Variants in TANGO6 observed in about 807,000 individuals in gnomAD.
The protein encoded by TANGO6 is transport and Golgi organization protein 6 homolog.
A neutral mutation model predicts 114.2 loss-of-function variants in TANGO6; 90 were observed. The ratio of observed to expected loss-of-function variants is 0.79; its 90% CI spans 0.66 to 0.94. The LOEUF (loss-of-function observed/expected upper bound fraction) is 0.94, where lower values mean the gene tolerates loss of function less well. Ranked by LOEUF, TANGO6 falls within the 40% of genes least tolerant of loss-of-function variation. The pLI, the probability that TANGO6 is intolerant of heterozygous loss-of-function variation, is 0.00. For missense variants in TANGO6, 1,274 were observed against 1,315.3 expected, an observed-to-expected ratio of 0.97 and a Z score of 0.49; for synonymous variants, 477 against 509.8, an observed-to-expected ratio of 0.94 and a Z score of 0.87.
intron 3 of TANGO6, among the ~76,000 whole-genome samples, chr16:68,865,548 A>G (rs1387809135): frequency 6.6e-6 from 1 of 152,216 alleles, no homozygotes; most frequent in Non-Finnish European, 1.5e-5. Flanking sequence ...ATTTATTCAC[A>G]GTGGCTCCAC....
At chr16:69,012,138 C>G (rs1047675205) in intron 15 of TANGO6, among the ~76,000 whole-genome samples, 1 of 152,300 alleles carries the variant, frequency 6.6e-6, no homozygotes, top group African/African-American at 2.4e-5. Flanking sequence ...GTTGTCATTA[C>G]CATTGCACAA....
At chr16:69,027,022 C>T (rs1959513131) in intron 16 of TANGO6, among the ~76,000 whole-genome samples, 1 of 152,124 alleles carries the variant, frequency 6.6e-6, no homozygotes, top group African/African-American at 2.4e-5. Flanking sequence ...GCCACCATGC[C>T]CAGCTAATTT....
chr16:68,868,734 T>C (rs973965458), intron 4 of TANGO6, among the ~76,000 whole-genome samples: 1 of 152,058 alleles, frequency 6.6e-6, no homozygotes, highest in African/African-American at 2.4e-5. Flanking sequence ...TCTGACCTCG[T>C]GATCCACCCA....
chr16:68,917,321 T>C (rs1286947773), intron 11 of TANGO6, among the ~76,000 whole-genome samples: 29 of 152,200 alleles, frequency 1.9e-4, no homozygotes, highest in Admixed American at 1.9e-3. Context: ...GACATCTTGG[T>C]TACTTCCAAG....
intron 17 of TANGO6, among the ~76,000 whole-genome samples, chr16:69,083,147 C>T (rs2152246368): frequency 6.8e-6 from 1 of 147,332 alleles, no homozygotes; most frequent in Admixed American, 6.8e-5. Flanking sequence ...TTAGCCTTGA[C>T]CTCCCAGGCT....
intron 15 of TANGO6, among the ~76,000 whole-genome samples, chr16:69,021,529 T>A (rs1959405706): frequency 6.6e-6 from 1 of 152,190 alleles, no homozygotes; most frequent in Non-Finnish European, 1.5e-5. Context: ...CACTAGAATA[T>A]AAGCCACAGA....
At chr16:69,070,306 C>T (rs1161329720) in intron 17 of TANGO6, among the ~76,000 whole-genome samples, 3 of 151,960 alleles carry the variant, frequency 2.0e-5, no homozygotes, top group Admixed American at 6.6e-5. Flanking sequence ...AACACGTCCA[C>T]CCTAGGTACA....
intron 4 of TANGO6, among the ~76,000 whole-genome samples, chr16:68,872,998 C>T (rs1307476506): frequency 2.6e-5 from 4 of 151,936 alleles, no homozygotes; most frequent in African/African-American, 4.8e-5. Flanking sequence ...CCACCGCACC[C>T]GGCCAGAAGT....
At chr16:69,042,422 C>G (rs1054361808) in intron 17 of TANGO6, among the ~76,000 whole-genome samples, 1 of 152,180 alleles carries the variant, frequency 6.6e-6, no homozygotes, top group Non-Finnish European at 1.5e-5. Flanking sequence ...TGGCAGGCAC[C>G]TGTAATCCAG....
intron 17 of TANGO6, among the ~76,000 whole-genome samples, chr16:69,068,608 T>G (rs1289809002): frequency 6.6e-6 from 1 of 152,146 alleles, no homozygotes; most frequent in Non-Finnish European, 1.5e-5. Context: ...GATGTAAGAG[T>G]TACAGGATGG....
intron 14 of TANGO6, among the ~76,000 whole-genome samples, chr16:68,964,300 T>TA (rs1000925825): frequency 1.3e-5 from 2 of 151,696 alleles, no homozygotes; most frequent in Non-Finnish European, 2.9e-5. Flanking sequence ...AAATTAAAAG[T>TA]AAAAAAAATT....
intron 15 of TANGO6, among the ~76,000 whole-genome samples, chr16:69,010,338 A>G (rs1264979770): frequency 6.6e-6 from 1 of 151,792 alleles, no homozygotes; most frequent in Non-Finnish European, 1.5e-5. Flanking sequence ...TCTAAATTCT[A>G]CTCCACCAAG....
chr16:68,975,139 T>A (rs1317514449), intron 15 of TANGO6, among the ~76,000 whole-genome samples: 1 of 152,134 alleles, frequency 6.6e-6, no homozygotes, highest in African/African-American at 2.4e-5. Flanking sequence ...TCCATATATA[T>A]AATCTCATCT....
chr16:69,063,808 C>CTTCTTCTTCTTCTTATTATTATTATTA (rs56983779), intron 17 of TANGO6, among the ~76,000 whole-genome samples: 7 of 125,584 alleles, frequency 5.6e-5, no homozygotes, highest in African/African-American at 2.3e-4. Flanking sequence ...TCTTCTTCTT[C>CTTCTTCTTCTTCTTATTATTATTATTA]TTATTATTAT....
At chr16:69,021,955 G>A (rs996780768) in intron 15 of TANGO6, among the ~76,000 whole-genome samples, 5 of 147,840 alleles carry the variant, frequency 3.4e-5, no homozygotes, top group African/African-American at 1.0e-4. Context: ...GCGCAATCTC[G>A]GCTCACTGCA....
chr16:69,033,749 A>C (rs1959639944), intron 16 of TANGO6: 6 of 152,330 alleles, frequency 3.9e-5, no homozygotes, highest in Admixed American at 3.9e-4. Flanking sequence ...TGGTAGCAGC[A>C]TGCAGGACTG....
intron 17 of TANGO6, among the ~76,000 whole-genome samples, chr16:69,075,717 G>A (rs1410622100): frequency 2.0e-5 from 3 of 150,452 alleles, no homozygotes; most frequent in Non-Finnish European, 3.0e-5. Context: ...GCCTCTCAAA[G>A]TGCCGGGATT....
intron 16 of TANGO6, among the ~76,000 whole-genome samples, chr16:69,038,466 AG>A (rs1172385950): frequency 6.6e-6 from 1 of 152,080 alleles, no homozygotes; most frequent in Non-Finnish European, 1.5e-5. Context: ...CAGTTGAATA[AG>A]TTAGACATAC....
intron 11 of TANGO6, among the ~76,000 whole-genome samples, 195 bp from the exon 12 acceptor site, chr16:68,918,890 C>G (rs1653933174): frequency 6.6e-6 from 1 of 152,010 alleles, no homozygotes; most frequent in Non-Finnish European, 1.5e-5. Context: ...TTGTAATAAC[C>G]TTTATAATAA....
Sources: gnomAD v4.1 joint callset for allele counts (sites outside exome capture counted in the v4.1 genomes callset) on GRCh38, gnomAD v4.1.1 for gene constraint, MANE v1.5 for transcripts, NCBI Gene and HGNC (gene_info 2026-07-23, HGNC 2026-07-21) for gene names.